Variants in COMMD8 observed in about 807,000 individuals in gnomAD.
COMMD8 encodes the protein COMM domain containing 8.
COMMD8 carries 28 observed loss-of-function variants against 27.2 expected under a neutral mutation model. That is an observed-to-expected ratio of 1.03 (90% CI 0.76 to 1.41). COMMD8 has a LOEUF of 1.41. Ranked by LOEUF, COMMD8 falls within the 40% of genes most tolerant of loss-of-function variation. COMMD8 has a pLI of 0.00. For missense variants in COMMD8, 217 were observed against 211.2 expected, an observed-to-expected ratio of 1.03 and a Z score of -0.17; for synonymous variants, 79 against 75.5, an observed-to-expected ratio of 1.05 and a Z score of -0.24.
At chr4:47,461,430 A>T (rs187007050) in intron 1 of COMMD8, among the ~76,000 whole-genome samples, 3 of 152,280 alleles carry the variant, frequency 2.0e-5, no homozygotes, top group Admixed American at 2.0e-4. Context: ...TATACTATAC[A>T]AACTGAATTT....
chr4:47,458,968 T>C (rs1729955170), intron 2 of COMMD8, among the ~76,000 whole-genome samples: 1 of 151,844 alleles, frequency 6.6e-6, no homozygotes, highest in African/African-American at 2.4e-5. Context: ...ATGTAGAAAA[T>C]TGTGAACTTG....
intron 3 of COMMD8, 111 bp from the exon 4 acceptor site, chr4:47,453,325 G>A: frequency 1.3e-6 from 1 of 773,570 alleles, no homozygotes; most frequent in East Asian, 2.7e-5. Flanking sequence ...TTGCTGTTGA[G>A]TATAGAGAAA....
intron 1 of COMMD8, among the ~76,000 whole-genome samples, chr4:47,462,945 C>A (rs1322807127): frequency 1.3e-5 from 2 of 152,166 alleles, no homozygotes; most frequent in Non-Finnish European, 2.9e-5. Flanking sequence ...AGATGCTCCA[C>A]CAGGGCACAG....
intron 3 of COMMD8, among the ~76,000 whole-genome samples, chr4:47,454,702 T>C (rs1729839814): frequency 6.6e-6 from 1 of 151,468 alleles, no homozygotes; most frequent in Non-Finnish European, 1.5e-5. Flanking sequence ...CCCATCTCTA[T>C]TAAAAATACA....
chr4:47,459,531 A>T (rs1170934965), intron 2 of COMMD8, among the ~76,000 whole-genome samples: 1 of 152,186 alleles, frequency 6.6e-6, no homozygotes, highest in Admixed American at 6.5e-5. Flanking sequence ...CAGTAGGGAG[A>T]TAAATAAATC....
At chr4:47,460,760 C>T (rs1432269882) in intron 1 of COMMD8, among the ~76,000 whole-genome samples, 1 of 152,100 alleles carries the variant, frequency 6.6e-6, no homozygotes, top group African/African-American at 2.4e-5. Context: ...CCCATCTCAG[C>T]CTCCCAAGTA....
At position 47,463,630 on chromosome 4, in the gene COMMD8, G is replaced by A. The variant is rs928530033; in HGVS notation, c.22C>T (p.Pro8Ser). The change falls in exon 1 of 5, where the codon CCC becomes TCC. Residue 8 changes from proline (P) to serine (S), a missense_variant. Pro to Ser is a moderately conservative substitution (Grantham distance 74). Coordinates refer to ENST00000381571, the MANE Select transcript of COMMD8 (RefSeq NM_017845.5). MEPEEGT[P>S]LWRLQKLPAE... is the part of the protein sequence containing the mutation. Reference sequence around the variant, plus strand: ...GGCAGCTTCTGCAGCCGCCACAAGGGCGTCCCCTCTTCCGGCTCCATCCCT... The same window carrying A: ...GGCAGCTTCTGCAGCCGCCACAAGGACGTCCCCTCTTCCGGCTCCATCCCT... The A allele has an allele frequency of 1.6e-5, 25 of 1,549,006 alleles. No homozygotes were observed. The highest frequency in any genetic ancestry group is 9.6e-5 in the African/African-American group (7 of 72,938).
chr4:47,455,244 G>A (rs980293573), intron 3 of COMMD8, among the ~76,000 whole-genome samples: 1 of 152,102 alleles, frequency 6.6e-6, no homozygotes, highest in Non-Finnish European at 1.5e-5. Flanking sequence ...TCAAACTCCT[G>A]GCCTCAAGTG....
chr4:47,452,229 T>C (rs1729771096), intron 4 of COMMD8, among the ~76,000 whole-genome samples: 1 of 152,250 alleles, frequency 6.6e-6, no homozygotes, highest in Non-Finnish European at 1.5e-5. Context: ...TATTGTTATT[T>C]AGCCACTCCA....
Position 47,453,203 on chromosome 4 carries a change from G to A in COMMD8, c.387C>T (p.Ser129=). 6.2e-7 allele frequency: 1 copy of A among 1,613,156 alleles called. No homozygotes were observed. Among genetic ancestry groups the A allele is most frequent in the Non-Finnish European group, 8.5e-7 (1 of 1,179,602 alleles). The change falls in exon 4 of 5, where the codon TCC becomes TCT. Residue 129 remains serine, a synonymous_variant. Coordinates refer to ENST00000381571, the MANE Select transcript of COMMD8 (RefSeq NM_017845.5). ...TTCGTAATGCAGCAATCTTGTCACTGGAAAGTGCAAGCTGTTTAAAATCAG... is the reference window on the plus strand; with the variant it reads ...TTCGTAATGCAGCAATCTTGTCACTAGAAAGTGCAAGCTGTTTAAAATCAG... ...DFDWQVKLAL[S]SDKIAALRMP... is the part of the protein sequence containing the mutation.
At chr4:47,458,178 T>C (rs953341645) in intron 2 of COMMD8, among the ~76,000 whole-genome samples, 1 of 152,046 alleles carries the variant, frequency 6.6e-6, no homozygotes, top group Non-Finnish European at 1.5e-5. Context: ...AATGGTGAAA[T>C]AGTAAACACT....
chr4:47,453,680 T>C (rs1371609762), intron 3 of COMMD8, among the ~76,000 whole-genome samples: 1 of 152,200 alleles, frequency 6.6e-6, no homozygotes, highest in Non-Finnish European at 1.5e-5. Context: ...CAAGATACCA[T>C]CTTCAATTAG....
intron 1 of COMMD8, among the ~76,000 whole-genome samples, chr4:47,461,278 A>T (rs955993036): frequency 3.9e-5 from 6 of 152,198 alleles, no homozygotes; most frequent in African/African-American, 1.4e-4. Flanking sequence ...ATCTTTCTTG[A>T]AGTTATTTGT....
chr4:47,456,559 A>G lies in COMMD8; in HGVS notation c.375+18T>C, dbSNP rs770110089. On this transcript the variant is annotated intron_variant, in intron 3 of 4. Coordinates refer to ENST00000381571, the MANE Select transcript of COMMD8 (RefSeq NM_017845.5). ...CCAAAAAATGAAATAAAAAATACAC[A>G]TACTCATAGACTCTTACCTTTACCT... is the stretch of plus-strand genomic sequence containing the variant. The G allele has an allele frequency of 3.3e-6, 5 of 1,537,630 alleles. No homozygotes were observed. The East Asian group carries it at 1.0e-4, about 31-fold the overall frequency.
chr4:47,460,430 C>A (rs1215853296), intron 1 of COMMD8, 131 bp from the exon 2 acceptor site: 1 of 687,658 alleles, frequency 1.5e-6, no homozygotes. Context: ...AATGTATAAA[C>A]CACTTTTAAG....
At chr4:47,456,262 T>TTATATATATATA (rs1553886649) in intron 3 of COMMD8, among the ~76,000 whole-genome samples, 4 of 80,850 alleles carry the variant, frequency 4.9e-5, no homozygotes, top group African/African-American at 1.6e-4. Context: ...AATAAATAAA[T>TTATATATATATA]TATACATATA....
Position 47,463,700 on chromosome 4 carries a change from T to C in COMMD8, c.-49A>G, listed in dbSNP as rs1020096913. On this transcript the variant is annotated 5_prime_UTR_variant, in exon 1 of 5. Transcript: ENST00000381571. ...GTCACGTGTCAAGGCTGGCCGCTTG[T>C]CTAAAGCTACGACTCGCCCACGTGA... The C allele has an allele frequency of 1.3e-6, 2 of 1,503,262 alleles. No individual in the cohort carries two copies. Among genetic ancestry groups the C allele is most frequent in the Admixed American group, 2.2e-5 (1 of 45,648 alleles). 93.1% of individuals were successfully genotyped at this position (1,503,262 alleles called of 1,614,324 possible).
intron 1 of COMMD8, among the ~76,000 whole-genome samples, chr4:47,460,795 C>T (rs376163715): frequency 5.3e-4 from 81 of 152,238 alleles, no homozygotes; most frequent in African/African-American, 1.9e-3. Flanking sequence ...CGAGCACCAC[C>T]GCACCCAGCT....
intron 2 of COMMD8, among the ~76,000 whole-genome samples, chr4:47,456,972 A>G (rs1729910842): frequency 1.3e-5 from 2 of 152,218 alleles, no homozygotes; most frequent in African/African-American, 4.8e-5. Flanking sequence ...CACCTGGAAA[A>G]CACCAAAGCT....
Sources: gnomAD v4.1 joint callset for allele counts (sites outside exome capture counted in the v4.1 genomes callset) on GRCh38, gnomAD v4.1.1 for gene constraint, MANE v1.5 for transcripts, NCBI Gene and HGNC (gene_info 2026-07-23, HGNC 2026-07-21) for gene names.